The following ADGRL3 variants were observed in gnomAD, a reference collection of about 807,000 sequenced individuals.
ADGRL3 encodes the protein adhesion G protein-coupled receptor L3, also known as calcium-independent alpha-latrotoxin receptor 3.
In ADGRL3, 62 loss-of-function variants were observed where a neutral mutation model predicts 153.5. The observed-to-expected ratio is 0.40, with a 90% confidence interval of 0.33 to 0.50. ADGRL3 has a LOEUF of 0.50. Ranked by LOEUF, ADGRL3 falls within the 20% of genes least tolerant of loss-of-function variation. ADGRL3 has a pLI of 0.47. For synonymous variants in ADGRL3, 710 were observed against 672.5 expected, an observed-to-expected ratio of 1.06 and a Z score of -0.86; for missense variants, 1,641 against 1,859.4, an observed-to-expected ratio of 0.88 and a Z score of 2.16.
At chr4:61,308,070 T>C (rs1053912559) in intron 1 of ADGRL3, among the ~76,000 whole-genome samples, 3 of 152,162 alleles carry the variant, frequency 2.0e-5, no homozygotes, top group Admixed American at 6.5e-5. Flanking sequence ...GAGCAATACT[T>C]GTCCTAGTTA....
At chr4:61,532,061 C>G (rs1222704837) in intron 4 of ADGRL3, among the ~76,000 whole-genome samples, 2 of 152,112 alleles carry the variant, frequency 1.3e-5, no homozygotes, top group East Asian at 3.9e-4. Flanking sequence ...AATCAACAAG[C>G]TAAAATGAAA....
At chr4:62,050,116 C>A (rs1733312335) in intron 25 of ADGRL3, among the ~76,000 whole-genome samples, 1 of 151,600 alleles carries the variant, frequency 6.6e-6, no homozygotes, top group Admixed American at 6.6e-5. Flanking sequence ...AACTGAATGC[C>A]AAGTAAAATA....
chr4:61,436,228 A>G (rs1226827979), intron 2 of ADGRL3, among the ~76,000 whole-genome samples: 1 of 152,148 alleles, frequency 6.6e-6, no homozygotes, highest in East Asian at 1.9e-4. Flanking sequence ...TAAAGAGGTT[A>G]TAAAACATTG....
intron 1 of ADGRL3, among the ~76,000 whole-genome samples, chr4:61,371,693 T>C (rs914876992): frequency 6.8e-4 from 104 of 152,216 alleles, no homozygotes; most frequent in Admixed American, 1.5e-3. Flanking sequence ...TTTGGTGAAT[T>C]GGACAATTAT....
At chr4:61,419,899 T>C (rs2097184042) in intron 2 of ADGRL3, among the ~76,000 whole-genome samples, 3 of 152,002 alleles carry the variant, frequency 2.0e-5, no homozygotes, top group Admixed American at 2.0e-4. Flanking sequence ...GTTTGAGTGA[T>C]TCTGCTACCA....
chr4:61,380,321 A>C (rs1163505641), intron 1 of ADGRL3, among the ~76,000 whole-genome samples: 1 of 151,976 alleles, frequency 6.6e-6, no homozygotes, highest in Non-Finnish European at 1.5e-5. Flanking sequence ...TCACTCCTGA[A>C]TTCATACCAA....
chr4:61,387,529 C>T (rs1386231886), intron 2 of ADGRL3, among the ~76,000 whole-genome samples: 1 of 152,100 alleles, frequency 6.6e-6, no homozygotes, highest in African/African-American at 2.4e-5. Context: ...TTTAGAGACC[C>T]ACCCCCAGGT....
At chr4:61,898,244 A>T (rs1018562406) in intron 11 of ADGRL3, among the ~76,000 whole-genome samples, 2 of 152,052 alleles carry the variant, frequency 1.3e-5, no homozygotes, top group African/African-American at 4.8e-5. Flanking sequence ...GGTACCCAAC[A>T]TAGTCCTTGG....
chr4:61,405,235 G>A (rs1200892747), intron 2 of ADGRL3, among the ~76,000 whole-genome samples: 2 of 151,958 alleles, frequency 1.3e-5, no homozygotes, highest in Non-Finnish European at 2.9e-5. Context: ...CTGAATAAGC[G>A]ATTCCAGTAG....
intron 9 of ADGRL3, among the ~76,000 whole-genome samples, chr4:61,853,177 G>C (rs1044567250): frequency 3.3e-5 from 5 of 152,016 alleles, no homozygotes; most frequent in Non-Finnish European, 5.9e-5. Context: ...GGTCTTTCTG[G>C]TGACCAGCCC....
chr4:61,293,919 G>C (rs748253625), intron 1 of ADGRL3, among the ~76,000 whole-genome samples: 1 of 152,076 alleles, frequency 6.6e-6, no homozygotes, highest in Non-Finnish European at 1.5e-5. Flanking sequence ...GTGGGTTTTA[G>C]GGATAAAATA....
Position 61,497,195 on chromosome 4 carries a change from T to C in ADGRL3, c.-99T>C, listed in dbSNP as rs2098329256. ...TTCTTTTTAATTTGAAGAAAAATCA[T>C]CAGTCTTGGAATACAGAAGAGAAAC... On this transcript the variant is annotated 5_prime_UTR_variant, in exon 3 of 27. Coordinates refer to ENST00000683033, the MANE Select transcript of ADGRL3 (RefSeq NM_001387552.1). 4 of 681,662 alleles carry C rather than the reference T, an allele frequency of 5.9e-6. No homozygotes were observed. Among genetic ancestry groups the C allele is most frequent in the Admixed American group, 3.5e-5 (1 of 28,170 alleles). The allele number at this position is 681,662 out of a possible 1,614,324, so 42.2% of individuals were successfully genotyped here. A position where few individuals can be genotyped will look rare whatever the true frequency, so the allele number is the denominator to read the frequency against.
chr4:61,479,771 A>C (rs750148327), intron 2 of ADGRL3, among the ~76,000 whole-genome samples: 18 of 152,170 alleles, frequency 1.2e-4, no homozygotes, highest in Non-Finnish European at 2.5e-4. Context: ...TATTCATATC[A>C]ACAATGTTCC....
chr4:61,694,304 C>G (rs556462241), intron 6 of ADGRL3, among the ~76,000 whole-genome samples: 3 of 144,028 alleles, frequency 2.1e-5, no homozygotes, highest in African/African-American at 7.6e-5. Flanking sequence ...TTCAAAGTAT[C>G]GGGATTACAT....
At chr4:61,623,180 G>C (rs2092634713) in intron 5 of ADGRL3, among the ~76,000 whole-genome samples, 1 of 152,000 alleles carries the variant, frequency 6.6e-6, no homozygotes, top group East Asian at 1.9e-4. Flanking sequence ...ACCTTATTCT[G>C]TTCTTGCTAC....
At chr4:61,829,937 C>G (rs2097850853) in intron 9 of ADGRL3, among the ~76,000 whole-genome samples, 1 of 151,872 alleles carries the variant, frequency 6.6e-6, no homozygotes, top group African/African-American at 2.4e-5. Flanking sequence ...GAGGCCATGG[C>G]AGGAGGATCT....
intron 5 of ADGRL3, among the ~76,000 whole-genome samples, chr4:61,613,653 A>G (rs2091655340): frequency 6.6e-6 from 1 of 152,200 alleles, no homozygotes. Context: ...TTGAGGCAGG[A>G]GAATCTCTTG....
intron 5 of ADGRL3, among the ~76,000 whole-genome samples, chr4:61,675,412 A>C (rs552913111): frequency 3.9e-5 from 6 of 151,924 alleles, no homozygotes; most frequent in African/African-American, 1.4e-4. Context: ...AAAAACCATT[A>C]GCTTTTTATA....
intron 1 of ADGRL3, among the ~76,000 whole-genome samples, chr4:61,209,657 A>G (rs772034142): frequency 2.1e-4 from 32 of 152,232 alleles, no homozygotes; most frequent in Non-Finnish European, 3.5e-4. Context: ...GCTCTTCTTC[A>G]TCTTAAAATG....
Sources: gnomAD v4.1 joint callset for allele counts (sites outside exome capture counted in the v4.1 genomes callset) on GRCh38, gnomAD v4.1.1 for gene constraint, MANE v1.5 for transcripts, NCBI Gene and HGNC (gene_info 2026-07-23, HGNC 2026-07-21) for gene names.